SRGAP2: variants seen among roughly 807,000 people sequenced by gnomAD.
SRGAP2 encodes the protein SLIT-ROBO Rho GTPase-activating protein 2.
SRGAP2 carries 15 observed loss-of-function variants against 57.2 expected under a neutral mutation model. The observed-to-expected ratio is 0.26, with a 90% CI of 0.18 to 0.40. The LOEUF (loss-of-function observed/expected upper bound fraction) is 0.40, where lower values mean the gene tolerates loss of function less well. Among genes scored for constraint, SRGAP2 ranks in the 10% least tolerant of loss-of-function variants. The probability of loss-of-function intolerance (pLI) is 1.00; values close to 1 mark genes in which losing one functional copy is unlikely to be tolerated. For missense variants in SRGAP2, 520 were observed against 669.6 expected, an observed-to-expected ratio of 0.78 and a Z score of 2.47; for synonymous variants, 249 against 248.0, an observed-to-expected ratio of 1.00 and a Z score of -0.04.
chr1:206,220,725 C>G (rs1666931189), intron 2 of SRGAP2, among the ~76,000 whole-genome samples: 1 of 152,224 alleles, frequency 6.6e-6, no homozygotes, highest in Middle Eastern at 3.4e-3. Flanking sequence ...GTGGCCACAC[C>G]CTCTTTACAG....
chr1:206,445,584 C>A (rs1204840185), intron 17 of SRGAP2, among the ~76,000 whole-genome samples: 1 of 152,160 alleles, frequency 6.6e-6, no homozygotes, highest in Non-Finnish European at 1.5e-5. Context: ...AAGGAATATC[C>A]CTAATAATTT....
chr1:206,214,888 A>T (rs1295212787), intron 2 of SRGAP2: 1 of 152,196 alleles, frequency 6.6e-6, no homozygotes, highest in Non-Finnish European at 1.5e-5. Context: ...CTCTGACCAG[A>T]AATAACCCTT....
intron 2 of SRGAP2, among the ~76,000 whole-genome samples, chr1:206,244,911 A>G (rs1437520891): frequency 1.5e-4 from 23 of 151,038 alleles, no homozygotes; most frequent in Admixed American, 8.6e-4. Flanking sequence ...TATAGGGAAA[A>G]TACTGGCTGT....
intron 18 of SRGAP2, among the ~76,000 whole-genome samples, chr1:206,449,388 C>T (rs1257876344): frequency 6.7e-6 from 1 of 148,968 alleles, no homozygotes; most frequent in East Asian, 2.0e-4. Flanking sequence ...ACTTCCCAGG[C>T]TTAACCAATC....
chr1:206,347,263 A>C (rs1178947729), intron 4 of SRGAP2, among the ~76,000 whole-genome samples: 1 of 152,026 alleles, frequency 6.6e-6, no homozygotes, highest in Non-Finnish European at 1.5e-5. Flanking sequence ...TTAAAAAAAA[A>C]AAAACAACAA....
At chr1:206,373,208 G>A (rs9429931) in intron 4 of SRGAP2, among the ~76,000 whole-genome samples, 5 of 138,812 alleles carry the variant, frequency 3.6e-5, no homozygotes, top group Admixed American at 7.6e-5. Context: ...CAGTTCTCCC[G>A]CCTCAGCCTC....
chr1:206,424,606 G>T (rs1241884821), intron 13 of SRGAP2, among the ~76,000 whole-genome samples: 1 of 152,216 alleles, frequency 6.6e-6, no homozygotes, highest in Non-Finnish European at 1.5e-5. Context: ...AGTGAGCCGA[G>T]ATCATGCCAT....
intron 2 of SRGAP2, among the ~76,000 whole-genome samples, chr1:206,268,480 T>C (rs1488974224): frequency 1.3e-5 from 2 of 151,920 alleles, no homozygotes; most frequent in Non-Finnish European, 2.9e-5. Flanking sequence ...GACTAAAGCA[T>C]AGGTAAGGAA....
chr1:206,286,625 A>G (rs1325527751), intron 2 of SRGAP2, among the ~76,000 whole-genome samples: 20 of 152,162 alleles, frequency 1.3e-4, no homozygotes, highest in Non-Finnish European at 2.8e-4. Flanking sequence ...TACAAGTGGC[A>G]TGAAGAAAAA....
At chr1:206,295,038 C>T (rs1671511718) in intron 2 of SRGAP2, among the ~76,000 whole-genome samples, 4 of 144,620 alleles carry the variant, frequency 2.8e-5, no homozygotes, top group African/African-American at 7.9e-5. Context: ...CCTCTCCTCA[C>T]CCTTCATTTA....
intron 3 of SRGAP2, among the ~76,000 whole-genome samples, chr1:206,327,597 G>T (rs551941143): frequency 1.6e-5 from 2 of 122,888 alleles, no homozygotes; most frequent in East Asian, 4.5e-4. Flanking sequence ...TGTTTGATTG[G>T]ATCTTCACAA....
intron 2 of SRGAP2, among the ~76,000 whole-genome samples, chr1:206,278,400 G>A (rs1670542848): frequency 7.3e-6 from 1 of 136,672 alleles, no homozygotes; most frequent in African/African-American, 2.8e-5. Flanking sequence ...CCAGGTTGGA[G>A]TGCAGTGGCA....
chr1:206,275,804 A>G (rs1394217459), intron 2 of SRGAP2, among the ~76,000 whole-genome samples: 2 of 151,806 alleles, frequency 1.3e-5, no homozygotes, highest in Non-Finnish European at 2.9e-5. Context: ...TTTAGTAGAG[A>G]CGGGGCTTCA....
At position 206,458,548 on chromosome 1, in the gene SRGAP2, C is replaced by T. The variant is rs905572624; in HGVS notation, c.2508-75C>T. 30 of 676,350 alleles carry T rather than the reference C, an allele frequency of 4.4e-5. No individual in the cohort carries two copies. In the African/African-American group the frequency reaches 5.0e-4, roughly 11 times the overall value. 41.9% of individuals were successfully genotyped at this position (676,350 alleles called of 1,614,324 possible). A position where few individuals can be genotyped will look rare whatever the true frequency, so the allele number is the denominator to read the frequency against. On this transcript the variant is annotated intron_variant, in intron 21 of 22. Transcript: ENST00000573034. ...CGAAGTCCCTGGGTGCCAACATCTG[C>T]CCCCTCCCACTTATCCTAGCTTCCT...
At chr1:206,395,453 T>C (rs1176088735) in intron 7 of SRGAP2, among the ~76,000 whole-genome samples, 2 of 124,242 alleles carry the variant, frequency 1.6e-5, no homozygotes, top group African/African-American at 8.1e-5. Flanking sequence ...TGTCCTTCAA[T>C]GGAGGTCAGA....
At chr1:206,430,082 C>T (rs1661160238) in intron 13 of SRGAP2, 80 bp from the exon 14 acceptor site, 1 of 773,146 alleles carries the variant, frequency 1.3e-6, no homozygotes, top group African/African-American at 1.7e-5. Flanking sequence ...GACAGTTCTG[C>T]ACGGTTTGGC....
At chr1:206,305,880 TC>T (rs1235011761) in intron 3 of SRGAP2, among the ~76,000 whole-genome samples, 1 of 152,108 alleles carries the variant, frequency 6.6e-6, no homozygotes, top group Non-Finnish European at 1.5e-5. Context: ...GAGGTTTTTT[TC>T]CTCAGAGTTT....
chr1:206,320,825 A>G (rs566726057), intron 3 of SRGAP2, among the ~76,000 whole-genome samples: 1 of 152,260 alleles, frequency 6.6e-6, no homozygotes, highest in South Asian at 2.1e-4. Context: ...CCCTTTTCAT[A>G]CCCAATTCTC....
At position 206,454,568 on chromosome 1, in the gene SRGAP2, G is replaced by GGGGTA; in HGVS notation, c.2361-309_2361-308insGGTAG. Reference sequence around the variant, plus strand: ...CTTCTCCAGGAGGCCGCCCCAGCACGGCCTCCCCAGGAAGCAGCATGGGGT... The same window carrying GGGGTA: ...CTTCTCCAGGAGGCCGCCCCAGCACGGGGTAGCCTCCCCAGGAAGCAGCATGGGGT... On this transcript the variant is annotated intron_variant, in intron 20 of 22. Transcript: ENST00000573034. The surrounding 1 kb of genome is among the most constrained non-coding windows in gnomAD (Gnocchi z 4.3). 1 of 409,622 alleles carries GGGGTA rather than the reference G, an allele frequency of 2.4e-6. No homozygotes were observed. The highest frequency in any genetic ancestry group is 4.3e-6 in the Non-Finnish European group (1 of 230,800). The allele number at this position is 409,622 out of a possible 1,614,324, so 25.4% of individuals were successfully genotyped here. A position where few individuals can be genotyped will look rare whatever the true frequency, so the allele number is the denominator to read the frequency against.
Sources: allele counts gnomAD v4.1 joint callset (sites outside exome capture counted in the v4.1 genomes callset), GRCh38; gene constraint gnomAD v4.1.1; non-coding constraint Gnocchi (gnomAD v3.1); transcripts MANE v1.5; gene names NCBI Gene and HGNC (gene_info 2026-07-23, HGNC 2026-07-21).